Variants in CSMD1 observed in about 807,000 individuals in gnomAD.
CSMD1 encodes the protein CUB and sushi domain-containing protein 1.
Under a neutral mutation model 417.5 loss-of-function variants are expected in CSMD1, and 213 were observed. The ratio of observed to expected loss-of-function variants is 0.51; its 90% confidence interval spans 0.46 to 0.57. CSMD1 has a LOEUF of 0.57. Among genes scored for constraint, CSMD1 ranks in the 20% least tolerant of loss-of-function variants. The pLI, the probability that CSMD1 is intolerant of heterozygous loss-of-function variation, is 0.00. For missense variants in CSMD1, 6,923 were observed against 4,529.7 expected (o/e 1.53, Z -15.17); for synonymous variants, 2,862 against 1,736.8 (o/e 1.65, Z -16.11).
chr8:3,186,716 G>T lies in CSMD1; in HGVS notation c.5620+1153C>A, dbSNP rs566339959. Among the ~76,000 whole-genome samples the T allele has an allele frequency of 5.9e-4, 90 of 152,274 alleles. 2 individuals are homozygous for T. In the South Asian group the frequency reaches 0.018, roughly 31 times the overall value. Reference sequence around the variant, plus strand: ...TATTCCAGCCTCCCTTTGCAGTAGAGATAAACAACTGACAGAATTCAGACA... The same window carrying T: ...TATTCCAGCCTCCCTTTGCAGTAGATATAAACAACTGACAGAATTCAGACA... On this transcript the variant is annotated intron_variant, in intron 36 of 69. Transcript: ENST00000635120.
rs1798653174 is a variant in CSMD1 at position 3,772,500 on chromosome 8, TATATA to T, written c.819-18463_819-18459del. Among the ~76,000 whole-genome samples, 97 of 27,744 alleles carry T rather than the reference TATATA, an allele frequency of 3.5e-3. 9 individuals are homozygous for T. Among genetic ancestry groups the T allele is most frequent in the Middle Eastern group, 0.025 (1 of 40 alleles). 18.2% of individuals were successfully genotyped at this position (27,744 alleles called of 152,430 possible). A position where few individuals can be genotyped will look rare whatever the true frequency, so the allele number is the denominator to read the frequency against. On this transcript the variant is annotated intron_variant, in intron 5 of 69. Transcript: ENST00000635120. ...ATATACATATATACACATATATACATATATACACATATATACATATATACACATAT... is the reference window on the plus strand; with the variant it reads ...ATATACATATATACACATATATACATCACATATATACATATATACACATAT...
At chr8:4,273,813 C>G (rs1004401813) in intron 3 of CSMD1, among the ~76,000 whole-genome samples, 2 of 152,180 alleles carry the variant, frequency 1.3e-5, no homozygotes, top group Admixed American at 6.5e-5. Context: ...GAAACCTGTA[C>G]TGGTCACTTC....
intron 1 of CSMD1, among the ~76,000 whole-genome samples, chr8:4,835,275 A>T (rs1478816386): frequency 6.6e-6 from 1 of 152,124 alleles, no homozygotes; most frequent in African/African-American, 2.4e-5. Flanking sequence ...AGAGGTTACA[A>T]TACAAACATC....
intron 66 of CSMD1, 103 bp from the exon 67 acceptor site, chr8:2,950,446 G>T: frequency 1.4e-6 from 1 of 703,914 alleles, no homozygotes; most frequent in Non-Finnish European, 2.5e-6. Context: ...TAATATCATC[G>T]ATAATAGAAA....
chr8:3,875,527 C>T (rs1020197122), intron 5 of CSMD1, among the ~76,000 whole-genome samples: 6 of 151,958 alleles, frequency 3.9e-5, no homozygotes, highest in African/African-American at 1.2e-4. Flanking sequence ...AGGAAGCAGC[C>T]GGCATGGAAG....
At chr8:4,768,261 C>G (rs1378921154) in intron 1 of CSMD1, among the ~76,000 whole-genome samples, 1 of 151,938 alleles carries the variant, frequency 6.6e-6, no homozygotes, top group African/African-American at 2.4e-5. Flanking sequence ...TCATGTCAGC[C>G]CCTAACCTCC....
intron 52 of CSMD1, among the ~76,000 whole-genome samples, chr8:3,003,385 A>G (rs574799680): frequency 9.9e-5 from 15 of 152,160 alleles, no homozygotes; most frequent in Non-Finnish European, 2.2e-4. Flanking sequence ...CACAAAACCT[A>G]GAAAGCCTCT....
intron 1 of CSMD1, among the ~76,000 whole-genome samples, chr8:4,780,445 C>G (rs1168359371): frequency 6.6e-6 from 1 of 152,190 alleles, no homozygotes; most frequent in African/African-American, 2.4e-5. Flanking sequence ...GTCTACCTAC[C>G]TACCTACCTA....
At chr8:3,101,204 C>A (rs911575845) in intron 46 of CSMD1, among the ~76,000 whole-genome samples, 1 of 152,082 alleles carries the variant, frequency 6.6e-6, no homozygotes. Context: ...ACCACCTCTT[C>A]CCCCAAAACA....
chr8:3,291,180 T>G (rs1477741666), intron 25 of CSMD1, among the ~76,000 whole-genome samples: 1 of 152,234 alleles, frequency 6.6e-6, no homozygotes, highest in East Asian at 1.9e-4. Context: ...GAAACCCACT[T>G]GATCATTGTG....
chr8:3,038,446 T>C (rs1488527956), intron 50 of CSMD1, among the ~76,000 whole-genome samples: 3 of 152,258 alleles, frequency 2.0e-5, no homozygotes, highest in Admixed American at 6.5e-5. Flanking sequence ...TTGGGCTTAA[T>C]TGTAAAAGCA....
chr8:3,381,082 T>C (rs986615509), intron 18 of CSMD1, among the ~76,000 whole-genome samples: 3 of 152,082 alleles, frequency 2.0e-5, no homozygotes, highest in Admixed American at 1.3e-4. Context: ...GGTATATCAG[T>C]TTTCATTACC....
At chr8:4,489,710 C>T (rs1184777161) in intron 2 of CSMD1, among the ~76,000 whole-genome samples, 1 of 152,284 alleles carries the variant, frequency 6.6e-6, no homozygotes, top group East Asian at 1.9e-4. Context: ...CAGCACCCTC[C>T]CTGCTCACAC....
At chr8:3,358,965 T>A (rs1563308150) in intron 21 of CSMD1, among the ~76,000 whole-genome samples, 187 bp downstream of exon 21, 1 of 152,152 alleles carries the variant, frequency 6.6e-6, no homozygotes, top group Non-Finnish European at 1.5e-5. Context: ...ACTTTATAGA[T>A]GAGCTAATTC....
Position 4,481,655 on chromosome 8 carries a change from C to A in CSMD1, c.303-61590G>T, listed in dbSNP as rs74614562. Reference sequence around the variant, plus strand: ...AATAAAAGCACCAAGAGGTTAAATACCTGAGTCCACAGACCTTGTAAATGC... The same window carrying A: ...AATAAAAGCACCAAGAGGTTAAATAACTGAGTCCACAGACCTTGTAAATGC... On this transcript the variant is annotated intron_variant, in intron 2 of 69. Coordinates refer to ENST00000635120, the MANE Select transcript of CSMD1 (RefSeq NM_033225.6). Among the ~76,000 whole-genome samples, 663 of 152,188 alleles carry A rather than the reference C, an allele frequency of 4.4e-3. 1 individual carries two copies. Among genetic ancestry groups the A allele is most frequent in the Non-Finnish European group, 6.7e-3 (458 of 68,004 alleles).
intron 5 of CSMD1, among the ~76,000 whole-genome samples, chr8:3,853,063 C>T (rs1804024535): frequency 6.6e-6 from 1 of 152,122 alleles, no homozygotes; most frequent in South Asian, 2.1e-4. Flanking sequence ...GAGCAACCCA[C>T]GTCACTCCAT....
chr8:4,451,486 T>C (rs935956753), intron 2 of CSMD1, among the ~76,000 whole-genome samples: 11 of 152,116 alleles, frequency 7.2e-5, no homozygotes, highest in Admixed American at 2.6e-4. Flanking sequence ...AGCTTACCCA[T>C]AGAGAAATAT....
rs1810482970 is a variant in CSMD1 at position 3,379,119 on chromosome 8, C to A, written c.2782+8375G>T. Among the ~76,000 whole-genome samples the A allele has an allele frequency of 3.3e-5, 5 of 152,066 alleles. No individual in the cohort carries two copies. In the South Asian group the frequency reaches 1.0e-3, roughly 32 times the overall value. On this transcript the variant is annotated intron_variant, in intron 18 of 69. Transcript: ENST00000635120. Reference sequence around the variant, plus strand: ...ACATAAATAATAGACAAACAGAGAGCCAAATCAAGAATGAACTCCCATTCA... The same window carrying A: ...ACATAAATAATAGACAAACAGAGAGACAAATCAAGAATGAACTCCCATTCA...
At chr8:3,987,289 C>T (rs55964478) in intron 5 of CSMD1, among the ~76,000 whole-genome samples, 38,580 of 152,064 alleles carry the variant, frequency 0.25, 4,946 homozygotes, top group East Asian at 0.38. Flanking sequence ...GTAACATGTT[C>T]TGTGATGACC....
Sources: gnomAD v4.1 joint callset for allele counts (sites outside exome capture counted in the v4.1 genomes callset) on GRCh38, gnomAD v4.1.1 for gene constraint, MANE v1.5 for transcripts, NCBI Gene and HGNC (gene_info 2026-07-23, HGNC 2026-07-21) for gene names.